The following TMEM141 variants were observed in gnomAD, a reference collection of about 807,000 sequenced individuals.
TMEM141 encodes transmembrane protein 141.
Under a neutral mutation model 15.9 loss-of-function variants are expected in TMEM141, and 18 were observed. That is an observed-to-expected ratio of 1.13 (90% confidence interval 0.78 to 1.68). TMEM141 has a LOEUF of 1.68. Ranked by LOEUF, TMEM141 falls within the 40% of genes most tolerant of loss-of-function variation. The probability of loss-of-function intolerance (pLI) is 0.00; values close to 1 mark genes in which losing one functional copy is unlikely to be tolerated. For missense variants in TMEM141, 161 were observed against 139.5 expected, an observed-to-expected ratio of 1.15 and a Z score of -0.78; for synonymous variants, 69 against 54.0, an observed-to-expected ratio of 1.28 and a Z score of -1.22.
chr9:136,791,583 A>C lies in TMEM141; in HGVS notation c.55-128A>C. On this transcript the variant is annotated intron_variant, in intron 1 of 4. Coordinates refer to ENST00000290079, the MANE Select transcript of TMEM141 (RefSeq NM_032928.4). ...CAGGGCGTCCGGGTGGGCATAGGGGAGGTGGGACGTGTCCAAGCGCCCAGG... is the reference window on the plus strand; with the variant it reads ...CAGGGCGTCCGGGTGGGCATAGGGGCGGTGGGACGTGTCCAAGCGCCCAGG... 1.9e-6 allele frequency: 3 copies of C among 1,565,198 alleles called. No individual in the cohort carries two copies. In the South Asian group the frequency reaches 3.6e-5, roughly 19 times the overall value.
At chr9:136,792,636 G>A (rs1343775157) in intron 4 of TMEM141, among the ~76,000 whole-genome samples, 183 bp from the exon 5 acceptor site, 1 of 152,220 alleles carries the variant, frequency 6.6e-6, no homozygotes, top group East Asian at 1.9e-4. Context: ...CAAGGCCACA[G>A]CAGCCACGTG....
intron 4 of TMEM141, 61 bp from the exon 5 acceptor site, chr9:136,792,758 G>A: frequency 7.5e-7 from 1 of 1,335,720 alleles, no homozygotes; most frequent in South Asian, 1.4e-5. Flanking sequence ...GATAAAATGG[G>A]CACAGGGATG....
Position 136,792,196 on chromosome 9 carries a change from C to T in TMEM141, c.206-55C>T, listed in dbSNP as rs572335996. ...GTCAGGAAGTAGCCTGTGCCCGGTT[C>T]TCTTAGCCTGGGAAGCACAGAGGCC... On this transcript the variant is annotated intron_variant, in intron 3 of 4. Coordinates refer to ENST00000290079, the MANE Select transcript of TMEM141 (RefSeq NM_032928.4). 6.9e-5 allele frequency: 105 copies of T among 1,530,642 alleles called. No individual in the cohort carries two copies. The African/African-American group carries it at 1.3e-3, about 19-fold the overall frequency. 94.8% of individuals were successfully genotyped at this position (1,530,642 alleles called of 1,614,324 possible).
At chr9:136,792,499 C>T in intron 4 of TMEM141, 141 bp downstream of exon 4, 1 of 696,338 alleles carries the variant, frequency 1.4e-6, no homozygotes, top group South Asian at 1.8e-5. Context: ...ATGTGACTGC[C>T]AGATGGGTTG....
Position 136,791,376 on chromosome 9 carries a change from G to A in TMEM141, c.6G>A (p.Val2=). The change falls in exon 1 of 5, where the codon GTG becomes GTA. Residue 2 remains valine (V), a synonymous_variant. Transcript: ENST00000290079. The part of the protein sequence containing the change: M[V]NLGLSRVDDA... The stretch of plus-strand genomic sequence containing the variant: ...CTCCCCGAGCCCTGCCAACCATGGT[G>A]AACTTGGGTCTGTCCCGGGTGGACG... The A allele has an allele frequency of 6.4e-7, 1 of 1,561,734 alleles. No individual in the cohort carries two copies. Among genetic ancestry groups the A allele is most frequent in the Non-Finnish European group, 8.7e-7 (1 of 1,153,314 alleles).
intron 4 of TMEM141, 63 bp from the exon 5 acceptor site, chr9:136,792,755 TG>T: frequency 7.7e-7 from 1 of 1,304,138 alleles, no homozygotes; most frequent in Non-Finnish European, 1.1e-6. Flanking sequence ...CATGATAAAA[TG>T]GGCACAGGGA....
intron 1 of TMEM141, 54 bp from the exon 2 acceptor site, chr9:136,791,657 G>T: frequency 1.2e-6 from 2 of 1,601,188 alleles, no homozygotes; most frequent in Non-Finnish European, 8.5e-7. Flanking sequence ...GACAGGAGAG[G>T]CGGTGAAGGA....
rs968450889 is a variant in TMEM141, at chr9:136,791,792, G to C, written c.121+15G>C. On this transcript the variant is annotated intron_variant, in intron 2 of 4. Transcript: ENST00000290079. ...CTTCGTCACAGGTAGGCTGCGTCCA[G>C]GTGTCCTGCGGCTGGGAGAGAACGC... 5.5e-5 allele frequency: 88 copies of C among 1,612,252 alleles called. No homozygotes were observed. Among genetic ancestry groups the C allele is most frequent in the Non-Finnish European group, 7.2e-5 (85 of 1,179,376 alleles).
intron 3 of TMEM141, 106 bp downstream of exon 3, chr9:136,792,136 G>A (rs920098055): frequency 1.6e-5 from 24 of 1,531,130 alleles, no homozygotes; most frequent in Non-Finnish European, 2.0e-5. Context: ...CCCAGGTCTC[G>A]GCGGGAGCCC....
At position 136,792,933 on chromosome 9, in the gene TMEM141, T is replaced by C. The variant is rs1249809212; in HGVS notation, c.*101T>C. ...GGCCGACCCTCCCCACACCCTAGGG[T>C]ACCCCAGTCGTATCCTCTGTCCGCA... On this transcript the variant is annotated 3_prime_UTR_variant, in exon 5 of 5. Coordinates refer to ENST00000290079, the MANE Select transcript of TMEM141 (RefSeq NM_032928.4). 2.2e-6 allele frequency: 3 copies of C among 1,385,972 alleles called. No homozygotes were observed. Among genetic ancestry groups the C allele is most frequent in the African/African-American group, 1.5e-5 (1 of 67,926 alleles). The allele number at this position is 1,385,972 out of a possible 1,614,324, so 85.9% of individuals were successfully genotyped here.
intron 1 of TMEM141, 24 bp downstream of exon 1, chr9:136,791,448 G>C: frequency 1.3e-6 from 2 of 1,551,864 alleles, no homozygotes; most frequent in Non-Finnish European, 1.7e-6. Context: ...TCTGGGACGC[G>C]GGCCTCAAAC....
Position 136,792,973 on chromosome 9 carries a change from T to C in TMEM141, c.*141T>C. On this transcript the variant is annotated 3_prime_UTR_variant, in exon 5 of 5. Transcript: ENST00000290079. Reference sequence around the variant, plus strand: ...CTCTGTCCGCATGTGTGGCCAGGCCTGACAAACACCTGCAGATGGCTGCTG... The same window carrying C: ...CTCTGTCCGCATGTGTGGCCAGGCCCGACAAACACCTGCAGATGGCTGCTG... 8.4e-7 allele frequency: 1 copy of C among 1,183,632 alleles called. No homozygotes were observed. The highest frequency in any genetic ancestry group is 1.6e-5 in the African/African-American group (1 of 63,116). 73.3% of individuals were successfully genotyped at this position (1,183,632 alleles called of 1,614,324 possible). A position where few individuals can be genotyped will look rare whatever the true frequency, so the allele number is the denominator to read the frequency against.
In TMEM141 at chr9:136,792,797, T is replaced by C. The variant is rs2131121077; in HGVS notation, c.314-22T>C. 1.9e-6 allele frequency: 3 copies of C among 1,547,482 alleles called. No individual in the cohort carries two copies. In the South Asian group the frequency reaches 3.6e-5, roughly 19 times the overall value. ...AGCCACGATGGATGTGGTTCGAGCT[T>C]GTCTCTCTTTGCCTTTTACAGATCA... On this transcript the variant is annotated intron_variant, in intron 4 of 4. Coordinates refer to ENST00000290079, the MANE Select transcript of TMEM141 (RefSeq NM_032928.4).
Position 136,791,945 on chromosome 9 carries a change from A to G in TMEM141, c.122-2A>G, listed in dbSNP as rs1198428785. On this transcript the variant is annotated splice_acceptor_variant, in intron 2 of 4. Transcript: ENST00000290079. LOFTEE classifies it high-confidence loss of function. The stretch of plus-strand genomic sequence containing the variant: ...GTTGATGGGGACCTCGGCTCTTTGC[A>G]GGCACCGGCATGGCCTTTGGCTTGC... 1 of 1,614,048 alleles carries G rather than the reference A, an allele frequency of 6.2e-7. No individual in the cohort carries two copies. Among genetic ancestry groups the G allele is most frequent in the South Asian group, 1.1e-5 (1 of 91,086 alleles).
intron 4 of TMEM141, 125 bp from the exon 5 acceptor site, chr9:136,792,694 C>A: frequency 1.3e-6 from 1 of 748,876 alleles, no homozygotes; most frequent in Non-Finnish European, 2.2e-6. Flanking sequence ...GCATTGGACC[C>A]AGGCCTGGCC....
At chr9:136,792,095 T>C in intron 3 of TMEM141, 65 bp downstream of exon 3, 1 of 1,596,958 alleles carries the variant, frequency 6.3e-7, no homozygotes. Context: ...GTTGGGGCTG[T>C]GGTTCTGCGT....
rs1480014874 is a variant in TMEM141 at position 136,792,037 on chromosome 9, A to G, written c.205+7A>G. Reference sequence around the variant, plus strand: ...AGCCTCCTAGTGGCCGTGGGTGGGTACTCCAGGGCCCCTGCCTGGGCTCTT... The same window carrying G: ...AGCCTCCTAGTGGCCGTGGGTGGGTGCTCCAGGGCCCCTGCCTGGGCTCTT... On this transcript the variant is annotated splice_region_variant and intron_variant, in intron 3 of 4. Coordinates refer to ENST00000290079, the MANE Select transcript of TMEM141 (RefSeq NM_032928.4). The G allele has an allele frequency of 6.2e-7, 1 of 1,612,984 alleles. No individual in the cohort carries two copies. The highest frequency in any genetic ancestry group is 1.1e-5 in the South Asian group (1 of 91,054).
At chr9:136,792,114 C>A in intron 3 of TMEM141, 84 bp downstream of exon 3, 1 of 1,571,152 alleles carries the variant, frequency 6.4e-7, no homozygotes, top group South Asian at 1.1e-5. Context: ...GTCCCTGACT[C>A]TGACATGGAG....
chr9:136,791,476 G>A, intron 1 of TMEM141, 52 bp downstream of exon 1: 1 of 1,550,144 alleles, frequency 6.5e-7, no homozygotes, highest in Non-Finnish European at 8.7e-7. Context: ...GCTGACCTGA[G>A]CGAGGCGGGG....
Sources: gnomAD v4.1 joint callset for allele counts (sites outside exome capture counted in the v4.1 genomes callset) on GRCh38, gnomAD v4.1.1 for gene constraint, MANE v1.5 for transcripts, NCBI Gene and HGNC (gene_info 2026-07-23, HGNC 2026-07-21) for gene names.